URB1: variants seen among roughly 807,000 people sequenced by gnomAD.
The protein encoded by URB1 is URB1 ribosome biogenesis factor.
URB1 carries 197 observed loss-of-function variants against 242.3 expected under a neutral mutation model. That is an observed-to-expected ratio of 0.81 (90% CI 0.72 to 0.91). URB1 has a LOEUF of 0.91. Among genes scored for constraint, URB1 ranks in the 40% least tolerant of loss-of-function variants. The pLI, the probability that URB1 is intolerant of heterozygous loss-of-function variation, is 0.00. For missense variants in URB1, 2,721 were observed against 2,860.5 expected (o/e 0.95, Z 1.11); for synonymous variants, 1,153 against 1,201.8 (o/e 0.96, Z 0.84).
In URB1 at chr21:32,324,584, C is replaced by T; in HGVS notation, c.5140G>A (p.Val1714Ile). Residue 1714 changes from valine (V) to isoleucine (I), a missense_variant, in exon 32 of 39, where the codon GTA becomes ATA. Physicochemically the swap from Val to Ile is conservative, Grantham distance 29. Transcript: ENST00000382751. Reference sequence around the variant, plus strand: ...TGAGTTCGAATCCCATTCCGGACTACATCCAACAGGTAAAGTAGCTTGAAA... The same window carrying T: ...TGAGTTCGAATCCCATTCCGGACTATATCCAACAGGTAAAGTAGCTTGAAA... The part of the protein sequence containing the change: ...EQSQLLYLLD[V>I]VRNGIRTQDM... The T allele has an allele frequency of 1.9e-6, 3 of 1,551,592 alleles. No homozygotes were observed. The highest frequency in any genetic ancestry group is 2.6e-6 in the Non-Finnish European group (3 of 1,146,830).
rs756196953 is a variant in URB1 at position 32,354,117 on chromosome 21, A to G, written c.2246-14T>C. ...TGTCGAGAACATCTGAGACAGAAAG[A>G]GGAGAATCCAGCTGATGTGAGAGCC... On this transcript the variant is annotated splice_polypyrimidine_tract_variant and intron_variant, in intron 17 of 38. Coordinates refer to ENST00000382751, the MANE Select transcript of URB1 (RefSeq NM_014825.3). The G allele has an allele frequency of 4.7e-5, 73 of 1,551,544 alleles. No homozygotes were observed. The highest frequency in any genetic ancestry group is 2.2e-4 in the East Asian group (9 of 40,918).
At chr21:32,390,817 C>G (rs1310682832) in intron 1 of URB1, among the ~76,000 whole-genome samples, 1 of 152,146 alleles carries the variant, frequency 6.6e-6, no homozygotes, top group African/African-American at 2.4e-5. Flanking sequence ...GGCGATTCCT[C>G]AGGGATCTAG....
intron 24 of URB1, among the ~76,000 whole-genome samples, chr21:32,342,741 C>T (rs935115275): frequency 6.6e-6 from 1 of 152,044 alleles, no homozygotes; most frequent in Non-Finnish European, 1.5e-5. Context: ...AGGCGCGTGC[C>T]ACCATGCCTG....
rs1435222331 is a variant in URB1 at position 32,357,651 on chromosome 21, G to T, written c.1875C>A (p.Gly625=). 6.7e-7 allele frequency: 1 copy of T among 1,486,032 alleles called. No homozygotes were observed. Among genetic ancestry groups the T allele is most frequent in the Non-Finnish European group, 8.9e-7 (1 of 1,119,976 alleles). 92.1% of individuals were successfully genotyped at this position (1,486,032 alleles called of 1,614,324 possible). Residue 625 remains glycine (G), a synonymous_variant, in exon 15 of 39, where the codon GGC becomes GGA. Coordinates refer to ENST00000382751, the MANE Select transcript of URB1 (RefSeq NM_014825.3). The stretch of plus-strand genomic sequence containing the variant: ...CACCTCCAATAATTTCTGCATCTGG[G>T]CCTTCCTAGAGTTTAAACAATATTA... ...SKFLWLKAQE[G]PDAEIIGGER... is the part of the protein sequence containing the mutation.
At chr21:32,355,382 G>C in intron 16 of URB1, 67 bp downstream of exon 16, 5 of 1,436,376 alleles carry the variant, frequency 3.5e-6, no homozygotes, top group Non-Finnish European at 3.8e-6. Context: ...AAAATGCCTC[G>C]ATGACGCTAA....
rs756817659 is a variant in URB1 at position 32,311,955 on chromosome 21, G to A, written c.*2963C>T. The A allele has an allele frequency of 1.3e-5, 21 of 1,613,412 alleles. No individual in the cohort carries two copies. Among genetic ancestry groups the A allele is most frequent in the Non-Finnish European group, 1.7e-5 (20 of 1,180,038 alleles). Reference sequence around the variant, plus strand: ...TCCCCTCGTCAGGAGCAAGCCCAGCGAGCCTCCCCCTGGAGACAGGACCTC... The same window carrying A: ...TCCCCTCGTCAGGAGCAAGCCCAGCAAGCCTCCCCCTGGAGACAGGACCTC... On this transcript the variant is annotated 3_prime_UTR_variant, in exon 39 of 39. Coordinates refer to ENST00000382751, the MANE Select transcript of URB1 (RefSeq NM_014825.3).
Position 32,347,240 on chromosome 21 carries a change from T to TC in URB1, c.3583dup (p.Glu1195GlyfsTer23). ...AGTGTGGAGGAGCACTGTGTCCAGC[T>TC]CGTCCACTGCTAGCGTGGGCAGCAG... On this transcript the variant is annotated frameshift_variant, in exon 22 of 39. Coordinates refer to ENST00000382751, the MANE Select transcript of URB1 (RefSeq NM_014825.3). LOFTEE classifies it high-confidence loss of function. 6.4e-7 allele frequency: 1 copy of TC among 1,550,816 alleles called. No individual in the cohort carries two copies. Among genetic ancestry groups the TC allele is most frequent in the Non-Finnish European group, 8.7e-7 (1 of 1,146,994 alleles).
chr21:32,381,746 T>C (rs774573932), intron 4 of URB1, among the ~76,000 whole-genome samples: 138 of 152,344 alleles, frequency 9.1e-4, no homozygotes, highest in Non-Finnish European at 6.3e-4. Context: ...GAGTACATGC[T>C]GAAATATTTA....
chr21:32,386,291 GAGA>G (rs1286571432), intron 1 of URB1, among the ~76,000 whole-genome samples: 2 of 152,188 alleles, frequency 1.3e-5, no homozygotes, highest in Non-Finnish European at 1.5e-5. Flanking sequence ...GTCCTTAGAG[GAGA>G]AGGAGACATC....
At chr21:32,384,745 G>A (rs2146055245) in intron 2 of URB1, among the ~76,000 whole-genome samples, 1 of 152,326 alleles carries the variant, frequency 6.6e-6, no homozygotes, top group East Asian at 1.9e-4. Context: ...ACTTTGGGAG[G>A]CTGAGGTGGG....
intron 5 of URB1, chr21:32,377,403 C>T: frequency 2.1e-6 from 1 of 475,920 alleles, no homozygotes; most frequent in South Asian, 1.6e-5. Context: ...CAGCCCCCTT[C>T]AACAGTGTAA....
intron 20 of URB1, 132 bp downstream of exon 20, chr21:32,350,572 A>G (rs1047495838): frequency 9.4e-7 from 1 of 1,061,842 alleles, no homozygotes; most frequent in African/African-American, 1.6e-5. Context: ...TCTGGACAGA[A>G]CAGCACTTAA....
At chr21:32,366,845 A>G (rs184873132) in intron 9 of URB1, 90 bp from the exon 10 acceptor site, 1 of 1,383,070 alleles carries the variant, frequency 7.2e-7, no homozygotes, top group African/African-American at 1.5e-5. Flanking sequence ...GAAGCCATTC[A>G]ATCAAATAAT....
chr21:32,351,009 C>A, intron 19 of URB1, 87 bp from the exon 20 acceptor site: 1 of 1,332,270 alleles, frequency 7.5e-7, no homozygotes, highest in East Asian at 2.5e-5. Context: ...ACACAACAAA[C>A]GGACATTTCA....
At chr21:32,321,696 G>T in intron 34 of URB1, 105 bp downstream of exon 34, 1 of 1,479,780 alleles carries the variant, frequency 6.8e-7, no homozygotes. Flanking sequence ...TAGGTCGGTC[G>T]TGTCCAGGCT....
In URB1 at chr21:32,338,817, G is replaced by A. The variant is rs141550612; in HGVS notation, c.4400C>T (p.Thr1467Met). Residue 1467 changes from threonine to methionine, a missense_variant, in exon 26 of 39, where the codon ACG becomes ATG. Coordinates refer to ENST00000382751, the MANE Select transcript of URB1 (RefSeq NM_014825.3). ...LLYSPESSVR[T>M]KLIQLPVVYV... ...GACCACCGGGAGCTGGATGAGCTTC[G>A]TGCGCACGGAGCTTTCTGGGCTGTA... is the stretch of plus-strand genomic sequence containing the variant. 14,547 of 1,551,746 alleles carry A rather than the reference G, an allele frequency of 9.4e-3. 75 individuals are homozygous for A. The highest frequency in any genetic ancestry group is 0.011 in the Non-Finnish European group (12,989 of 1,147,014).
At chr21:32,336,300 G>A (rs78166966) in intron 28 of URB1, among the ~76,000 whole-genome samples, 7 of 152,130 alleles carry the variant, frequency 4.6e-5, no homozygotes, top group African/African-American at 1.7e-4. Flanking sequence ...GTACTTTGAC[G>A]TGGAAATTGT....
chr21:32,362,083 T>C, intron 11 of URB1, 62 bp from the exon 12 acceptor site: 3 of 1,530,840 alleles, frequency 2.0e-6, no homozygotes, highest in Non-Finnish European at 2.6e-6. Flanking sequence ...ACAAATGAAC[T>C]GAACACATTA....
intron 10 of URB1, among the ~76,000 whole-genome samples, chr21:32,364,976 G>T (rs1355928345): frequency 6.6e-6 from 1 of 152,254 alleles, no homozygotes; most frequent in East Asian, 1.9e-4. Context: ...CGGGAGAGGA[G>T]GCTGTGTCCT....
Sources: allele counts gnomAD v4.1 joint callset (sites outside exome capture counted in the v4.1 genomes callset), GRCh38; gene constraint gnomAD v4.1.1; transcripts MANE v1.5; gene names NCBI Gene and HGNC (gene_info 2026-07-23, HGNC 2026-07-21).